Variants in KMT2E observed in about 807,000 individuals in gnomAD.
The protein encoded by KMT2E is lysine methyltransferase 2E (inactive).
In KMT2E, 30 loss-of-function variants were observed where a neutral mutation model predicts 184.6. The ratio of observed to expected loss-of-function variants is 0.16; its 90% CI spans 0.12 to 0.22. The LOEUF (loss-of-function observed/expected upper bound fraction) is 0.22. KMT2E is among the 10% of genes least tolerant of loss of function. The pLI, the probability that KMT2E is intolerant of heterozygous loss-of-function variation, is 1.00. For synonymous variants in KMT2E, 815 were observed against 776.5 expected, an observed-to-expected ratio of 1.05 and a Z score of -0.82; for missense variants, 2,023 against 2,237.4, an observed-to-expected ratio of 0.90 and a Z score of 1.93.
At chr7:105,108,877 T>C (rs1045633190) in intron 22 of KMT2E, 65 bp from the exon 23 acceptor site, 1 of 1,308,372 alleles carries the variant, frequency 7.6e-7, no homozygotes, top group Non-Finnish European at 1.0e-6. Context: ...CAAAAAAGAA[T>C]GCATTGGTTC....
intron 1 of KMT2E, among the ~76,000 whole-genome samples, chr7:105,020,680 C>CT (rs1248235306): frequency 1.3e-5 from 2 of 152,274 alleles, no homozygotes; most frequent in Non-Finnish European, 2.9e-5. Context: ...CTTTTGTTTT[C>CT]ATAGGGTATT....
At chr7:105,045,859 G>T (rs895530733) in intron 3 of KMT2E, among the ~76,000 whole-genome samples, 11 of 152,110 alleles carry the variant, frequency 7.2e-5, no homozygotes, top group African/African-American at 2.7e-4. Context: ...AACATTTTGA[G>T]GAATCGTCGA....
chr7:105,063,216 G>A, intron 4 of KMT2E, 135 bp from the exon 5 acceptor site: 1 of 611,734 alleles, frequency 1.6e-6, no homozygotes. Context: ...TTTTTTAATG[G>A]TATTAAGGAA....
chr7:105,054,951 T>C (rs1242791391), intron 3 of KMT2E, among the ~76,000 whole-genome samples: 1 of 152,166 alleles, frequency 6.6e-6, no homozygotes, highest in Non-Finnish European at 1.5e-5. Flanking sequence ...AAGAATTAGA[T>C]TGAGCAGAGG....
At chr7:105,077,255 C>T in intron 10 of KMT2E, 48 bp from the exon 11 acceptor site, 1 of 1,601,886 alleles carries the variant, frequency 6.2e-7, no homozygotes, top group South Asian at 1.1e-5. Flanking sequence ...TTTAGTTAAA[C>T]TGAAAACAAG....
intron 3 of KMT2E, among the ~76,000 whole-genome samples, chr7:105,044,026 A>C (rs1795995430): frequency 6.6e-6 from 1 of 152,226 alleles, no homozygotes; most frequent in Non-Finnish European, 1.5e-5. Flanking sequence ...TGAGCCCAGG[A>C]GTTCCAGGCT....
chr7:105,090,409 AGT>A, intron 14 of KMT2E, 136 bp downstream of exon 14: 4 of 999,720 alleles, frequency 4.0e-6, no homozygotes, highest in Non-Finnish European at 5.7e-6. Flanking sequence ...AGTATTCATA[AGT>A]GTAAAATACA....
intron 3 of KMT2E, among the ~76,000 whole-genome samples, chr7:105,044,300 A>G (rs991518075): frequency 2.0e-5 from 3 of 152,240 alleles, no homozygotes; most frequent in Admixed American, 6.5e-5. Flanking sequence ...ATCAACAGTC[A>G]TAAATAGTAC....
intron 9 of KMT2E, 105 bp from the exon 10 acceptor site, chr7:105,076,858 G>T (rs1464006939): frequency 3.6e-5 from 29 of 811,416 alleles, no homozygotes; most frequent in Non-Finnish European, 5.9e-5. Flanking sequence ...CTTTTGTATA[G>T]ATTGCCGTTA....
At chr7:105,038,622 A>C (rs929366498) in intron 2 of KMT2E, 7 of 152,202 alleles carry the variant, frequency 4.6e-5, no homozygotes, top group Non-Finnish European at 1.0e-4. Flanking sequence ...CGGCCTCCCA[A>C]AGTGCTGGGA....
chr7:105,059,208 A>G (rs1796692981), intron 3 of KMT2E, among the ~76,000 whole-genome samples: 1 of 152,212 alleles, frequency 6.6e-6, no homozygotes, highest in Admixed American at 6.5e-5. Flanking sequence ...TCAGACTGCA[A>G]AAGTTATGGC....
intron 15 of KMT2E, among the ~76,000 whole-genome samples, chr7:105,100,855 A>C (rs1438905671): frequency 2.0e-5 from 3 of 152,166 alleles, no homozygotes; most frequent in Non-Finnish European, 4.4e-5. Flanking sequence ...AAAAGAGAGA[A>C]GAGAACAAGC....
chr7:105,021,868 A>C (rs1298953815), intron 1 of KMT2E, among the ~76,000 whole-genome samples: 1 of 152,192 alleles, frequency 6.6e-6, no homozygotes, highest in African/African-American at 2.4e-5. Flanking sequence ...GAATGCTAAA[A>C]AACCAAGATA....
In KMT2E at chr7:105,076,031, T is replaced by C. The variant is rs1380685489; in HGVS notation, c.730-12T>C. 8 of 1,578,428 alleles carry C rather than the reference T, an allele frequency of 5.1e-6. No individual in the cohort carries two copies. In the African/African-American group the frequency reaches 1.1e-4, roughly 21 times the overall value. ...TTTTAGGAAACTAACTAGAATTCCA[T>C]GTTTATTTTAGGCATTTCGTGAAGG... On this transcript the variant is annotated splice_polypyrimidine_tract_variant and intron_variant, in intron 8 of 26. Transcript: ENST00000311117.
intron 15 of KMT2E, among the ~76,000 whole-genome samples, chr7:105,097,244 T>C (rs945583958): frequency 2.6e-5 from 4 of 152,234 alleles, no homozygotes; most frequent in Non-Finnish European, 4.4e-5. Flanking sequence ...TGAGATGTTA[T>C]CCAACTCCCT....
intron 13 of KMT2E, among the ~76,000 whole-genome samples, chr7:105,088,027 G>C (rs1562919305): frequency 6.6e-6 from 1 of 151,924 alleles, no homozygotes; most frequent in African/African-American, 2.4e-5. Context: ...GATTATTGCA[G>C]TCAGATTTAT....
At chr7:105,054,046 G>A (rs1041211854) in intron 3 of KMT2E, among the ~76,000 whole-genome samples, 3 of 151,966 alleles carry the variant, frequency 2.0e-5, no homozygotes, top group Non-Finnish European at 2.9e-5. Context: ...GGTGGCACGT[G>A]CCTGTAATCC....
chr7:105,033,754 C>T (rs1006688615), intron 1 of KMT2E, among the ~76,000 whole-genome samples: 1 of 152,026 alleles, frequency 6.6e-6, no homozygotes, highest in African/African-American at 2.4e-5. Flanking sequence ...CTGCCTCGGC[C>T]TCCCAAAGTG....
intron 13 of KMT2E, among the ~76,000 whole-genome samples, chr7:105,084,488 G>T (rs183427258): frequency 1.3e-5 from 2 of 152,046 alleles, no homozygotes; most frequent in Non-Finnish European, 2.9e-5. Context: ...TTATCCGGGC[G>T]TGGTGGCGGG....
Sources: gnomAD v4.1 joint callset for allele counts (sites outside exome capture counted in the v4.1 genomes callset) on GRCh38, gnomAD v4.1.1 for gene constraint, MANE v1.5 for transcripts, NCBI Gene and HGNC (gene_info 2026-07-23, HGNC 2026-07-21) for gene names.